SEC63: variants seen among roughly 807,000 people sequenced by gnomAD.
The protein encoded by SEC63 is SEC63 protein translocation regulator.
Under a neutral mutation model 116.2 loss-of-function variants are expected in SEC63, and 56 were observed. That is an observed-to-expected ratio of 0.48 (90% CI 0.39 to 0.60). SEC63 has a LOEUF of 0.60. SEC63 is among the 20% of genes least tolerant of loss of function. SEC63 has a pLI of 0.00. For synonymous variants in SEC63, 273 were observed against 294.6 expected (o/e 0.93, Z 0.75); for missense variants, 668 against 900.0 (o/e 0.74, Z 3.30).
At chr6:107,887,583 C>G (rs1303173619) in intron 16 of SEC63, among the ~76,000 whole-genome samples, 1 of 149,484 alleles carries the variant, frequency 6.7e-6, no homozygotes, top group Non-Finnish European at 1.5e-5. Context: ...GAATATCACA[C>G]TCTGGGGACT....
intron 18 of SEC63, among the ~76,000 whole-genome samples, chr6:107,879,133 G>T (rs1257942770): frequency 6.6e-6 from 1 of 152,132 alleles, no homozygotes; most frequent in African/African-American, 2.4e-5. Flanking sequence ...AGGTAGAGAG[G>T]TTAGAAAGAT....
Position 107,958,138 on chromosome 6 carries a change from C to T in SEC63, c.-129G>A. The T allele has an allele frequency of 7.0e-7, 1 of 1,427,124 alleles. No individual in the cohort carries two copies. The highest frequency in any genetic ancestry group is 9.6e-7 in the Non-Finnish European group (1 of 1,037,066). The allele number at this position is 1,427,124 out of a possible 1,614,324, so 88.4% of individuals were successfully genotyped here. ...CCGCCGCCGCCTCTCCTCCCCGCCCCCACGCCACTCTCACGGACACGCCGC... is the reference window on the plus strand; with the variant it reads ...CCGCCGCCGCCTCTCCTCCCCGCCCTCACGCCACTCTCACGGACACGCCGC... On this transcript the variant is annotated 5_prime_UTR_variant, in exon 1 of 21. Transcript: ENST00000369002.
At chr6:107,934,417 C>T (rs868723732) in intron 1 of SEC63, among the ~76,000 whole-genome samples, 3 of 148,096 alleles carry the variant, frequency 2.0e-5, no homozygotes, top group South Asian at 4.3e-4. Flanking sequence ...CCCGCGGCCC[C>T]GTCTGGGATG....
At chr6:107,955,308 G>A (rs969886116) in intron 1 of SEC63, among the ~76,000 whole-genome samples, 2 of 152,050 alleles carry the variant, frequency 1.3e-5, no homozygotes, top group African/African-American at 2.4e-5. Flanking sequence ...AATTACAGGC[G>A]TCCGCCACCA....
chr6:107,958,206 GAGGAGATAGTTCCCGCCCCGCTC>G, exon 1 of SEC63: 1 of 751,428 alleles, frequency 1.3e-6, no homozygotes, highest in Non-Finnish European at 2.2e-6. Flanking sequence ...GCTCTCGCGA[GAGGAGATAGTTCCCGCCCCGCTC>G]AGTTTTCCCT....
chr6:107,911,239 G>A, intron 7 of SEC63, 107 bp downstream of exon 7: 2 of 803,984 alleles, frequency 2.5e-6, no homozygotes, highest in Non-Finnish European at 4.2e-6. Flanking sequence ...TAAATTCAAG[G>A]ATCAATGGGT....
At chr6:107,922,055 AT>A in intron 3 of SEC63, 146 bp from the exon 4 acceptor site, 1 of 602,506 alleles carries the variant, frequency 1.7e-6, no homozygotes, top group Non-Finnish European at 2.9e-6. Flanking sequence ...CATCCTATAT[AT>A]TTTTCCCATA....
chr6:107,926,914 T>C (rs1787688363), intron 2 of SEC63, among the ~76,000 whole-genome samples: 1 of 152,216 alleles, frequency 6.6e-6, no homozygotes, highest in Non-Finnish European at 1.5e-5. Context: ...AAAGCCATGC[T>C]CTACAGTTTC....
At chr6:107,911,476 A>G in intron 6 of SEC63, 80 bp from the exon 7 acceptor site, 2 of 904,192 alleles carry the variant, frequency 2.2e-6, no homozygotes, top group Non-Finnish European at 1.8e-6. Flanking sequence ...TGAGGCTTAC[A>G]ATGGGGGAGC....
At chr6:107,924,439 G>A (rs1264821127) in intron 3 of SEC63, among the ~76,000 whole-genome samples, 6 of 151,474 alleles carry the variant, frequency 4.0e-5, no homozygotes, top group Admixed American at 6.6e-5. Flanking sequence ...TTAGACAGGC[G>A]TGATGGCGGG....
chr6:107,909,697 A>G (rs1256364698), intron 7 of SEC63, among the ~76,000 whole-genome samples: 1 of 152,214 alleles, frequency 6.6e-6, no homozygotes, highest in Non-Finnish European at 1.5e-5. Flanking sequence ...CATGTCTTCA[A>G]TAAATACTTG....
At position 107,906,620 on chromosome 6, in the gene SEC63, T is replaced by A. The variant is rs1284014652; in HGVS notation, c.829-40A>T. ...ATAATTATTCAAAAACACGCTTTTT[T>A]TAAAAAAAGTATTCACTTTAATACT... On this transcript the variant is annotated intron_variant, in intron 9 of 20. Coordinates refer to ENST00000369002, the MANE Select transcript of SEC63 (RefSeq NM_007214.5). 1.9e-6 allele frequency: 3 copies of A among 1,607,802 alleles called. No homozygotes were observed. In the Admixed American group the frequency reaches 5.0e-5, roughly 27 times the overall value.
At chr6:107,930,173 C>CTTTTTTTTTTTTTT (rs1206634310) in intron 1 of SEC63, 2 of 89,292 alleles carry the variant, frequency 2.2e-5, no homozygotes, top group African/African-American at 4.4e-5. Context: ...GCAAAGTATT[C>CTTTTTTTTTTTTTT]TTTTTTTTTT....
In SEC63 at chr6:107,897,747, A is replaced by G; in HGVS notation, c.1358-16T>C. On this transcript the variant is annotated splice_polypyrimidine_tract_variant and intron_variant, in intron 13 of 20. Transcript: ENST00000369002. ...TCATCTAACACTGTTAAGATGGAAG[A>G]AAAAAAACAGCAAAAAATAAAAATC... 6.5e-7 allele frequency: 1 copy of G among 1,532,540 alleles called. No individual in the cohort carries two copies. Among genetic ancestry groups the G allele is most frequent in the Non-Finnish European group, 9.0e-7 (1 of 1,106,490 alleles). 94.9% of individuals were successfully genotyped at this position (1,532,540 alleles called of 1,614,324 possible).
rs113042672 is a variant in SEC63, at chr6:107,883,354, T to C, written c.1675-208A>G. ...GAGTTTAATATCTGGCTAGTCTGTC[T>C]ATTGTTAGTTATTTTATTCATTCTT... On this transcript the variant is annotated intron_variant, in intron 16 of 20. Transcript: ENST00000369002. 4.4e-5 allele frequency: 24 copies of C among 546,102 alleles called. 1 individual carries two copies. The highest frequency in any genetic ancestry group is 3.4e-4 in the African/African-American group (18 of 52,838). 33.8% of individuals were successfully genotyped at this position (546,102 alleles called of 1,614,324 possible).
rs1787039557 is a variant in SEC63, at chr6:107,902,866, C to CT, written c.1186dup (p.Arg396LysfsTer5). 6.2e-7 allele frequency: 1 copy of CT among 1,613,912 alleles called. No homozygotes were observed. Among genetic ancestry groups the CT allele is most frequent in the African/African-American group, 1.3e-5 (1 of 74,914 alleles). ...TACCTTCTTATGATTAGAAACCCGT[C>CT]TAAGATTGTCCTCTTCAATATGAGG... On this transcript the variant is annotated frameshift_variant, in exon 12 of 21. Coordinates refer to ENST00000369002, the MANE Select transcript of SEC63 (RefSeq NM_007214.5). LOFTEE classifies it high-confidence loss of function.
chr6:107,920,859 A>G (rs1787539913), intron 4 of SEC63, among the ~76,000 whole-genome samples: 1 of 152,232 alleles, frequency 6.6e-6, no homozygotes, highest in Admixed American at 6.5e-5. Flanking sequence ...CTTTATAAAT[A>G]CACAGACATA....
chr6:107,914,478 C>T (rs1476156770), intron 4 of SEC63, among the ~76,000 whole-genome samples: 2 of 152,106 alleles, frequency 1.3e-5, no homozygotes, highest in Non-Finnish European at 2.9e-5. Context: ...TTTTCGATGA[C>T]TTGAAAATAT....
At chr6:107,934,488 A>C (rs62427395) in intron 1 of SEC63, among the ~76,000 whole-genome samples, 1 of 73,204 alleles carries the variant, frequency 1.4e-5, no homozygotes, top group Non-Finnish European at 2.6e-5. Flanking sequence ...CGGCCGCTCC[A>C]TCTGAGAAGT....
Sources: gnomAD v4.1 joint callset for allele counts (sites outside exome capture counted in the v4.1 genomes callset) on GRCh38, gnomAD v4.1.1 for gene constraint, MANE v1.5 for transcripts, NCBI Gene and HGNC (gene_info 2026-07-23, HGNC 2026-07-21) for gene names.